The following SLK variants were observed in gnomAD, a reference collection of about 807,000 sequenced individuals.
SLK encodes the protein STE20 like kinase, also known as STE20-like serine/threonine-protein kinase.
SLK carries 67 observed loss-of-function variants against 147.7 expected under a neutral mutation model. The ratio of observed to expected loss-of-function variants is 0.45; its 90% CI spans 0.37 to 0.56. The LOEUF (loss-of-function observed/expected upper bound fraction) is 0.56, where lower values mean the gene tolerates loss of function less well. SLK is among the 20% of genes least tolerant of loss of function. The probability of loss-of-function intolerance (pLI) is 0.00; values close to 1 mark genes in which losing one functional copy is unlikely to be tolerated. For synonymous variants in SLK, 441 were observed against 475.0 expected (o/e 0.93, Z 0.93); for missense variants, 1,136 against 1,438.8 (o/e 0.79, Z 3.41).
At chr10:103,998,181 T>A (rs1467932177) in intron 4 of SLK, among the ~76,000 whole-genome samples, 1 of 152,204 alleles carries the variant, frequency 6.6e-6, no homozygotes. Flanking sequence ...AGCTACCATT[T>A]ATTGAGTGTA....
intron 8 of SLK, among the ~76,000 whole-genome samples, chr10:104,001,891 T>A (rs1844252922): frequency 6.6e-6 from 1 of 152,022 alleles, no homozygotes; most frequent in South Asian, 2.1e-4. Context: ...AATTTTTGTA[T>A]TTTTAGTAGA....
intron 4 of SLK, among the ~76,000 whole-genome samples, chr10:103,997,675 T>G (rs7076157): frequency 0.48 from 73,068 of 151,880 alleles, 18,962 homozygotes; most frequent in East Asian, 0.72. Flanking sequence ...CTTTCCCTAG[T>G]TTAGCCTTTG....
intron 13 of SLK, among the ~76,000 whole-genome samples, chr10:104,012,326 A>G (rs558683458): frequency 6.6e-6 from 1 of 152,364 alleles, no homozygotes; most frequent in African/African-American, 2.4e-5. Context: ...TAATCTTAGA[A>G]TTTAAAAATT....
intron 4 of SLK, among the ~76,000 whole-genome samples, chr10:103,994,129 T>A (rs1844135305): frequency 6.6e-6 from 1 of 152,142 alleles, no homozygotes; most frequent in African/African-American, 2.4e-5. Flanking sequence ...AATTCCTGGG[T>A]GCAAGTGATT....
In SLK at chr10:104,001,376, T is replaced by G; in HGVS notation, c.865-68T>G. 7.2e-6 allele frequency: 9 copies of G among 1,256,924 alleles called. No individual in the cohort carries two copies. The South Asian group carries it at 1.1e-4, about 16-fold the overall frequency. The allele number at this position is 1,256,924 out of a possible 1,614,324, so 77.9% of individuals were successfully genotyped here. On this transcript the variant is annotated intron_variant, in intron 7 of 18. Coordinates refer to ENST00000369755, the MANE Select transcript of SLK (RefSeq NM_014720.4). ...TTTTTTACCACATAAGAATGTGTGT[T>G]GTGTGTGTTTGAAACTTAGTTTAGT...
intron 13 of SLK, among the ~76,000 whole-genome samples, chr10:104,015,725 G>A (rs191163365): frequency 3.3e-3 from 498 of 152,280 alleles, no homozygotes; most frequent in Non-Finnish European, 5.3e-3. Flanking sequence ...ACAGTAATAT[G>A]AACAAAAATT....
chr10:104,005,853 C>A, intron 10 of SLK, 59 bp from the exon 11 acceptor site: 1 of 1,538,150 alleles, frequency 6.5e-7, no homozygotes, highest in Non-Finnish European at 8.8e-7. Context: ...TAAAAAAAAA[C>A]GTATTTCAGA....
At chr10:103,986,668 GTTTT>G (rs759976399) in intron 1 of SLK, among the ~76,000 whole-genome samples, 2 of 97,218 alleles carry the variant, frequency 2.1e-5, no homozygotes, top group African/African-American at 4.3e-5. Context: ...TATGTGAAGA[GTTTT>G]TTTTTTTTTT....
At chr10:104,025,244 G>T (rs1006197002) in intron 18 of SLK, among the ~76,000 whole-genome samples, 2 of 152,150 alleles carry the variant, frequency 1.3e-5, no homozygotes, top group Non-Finnish European at 2.9e-5. Context: ...ATATATTAGA[G>T]TGCATAGTAT....
intron 12 of SLK, among the ~76,000 whole-genome samples, chr10:104,009,240 G>T (rs1453388108): frequency 6.6e-6 from 1 of 152,058 alleles, no homozygotes; most frequent in African/African-American, 2.4e-5. Context: ...GACAATGATT[G>T]TGATCAATTT....
At chr10:103,978,751 T>C (rs1163209669) in intron 1 of SLK, among the ~76,000 whole-genome samples, 9 of 152,174 alleles carry the variant, frequency 5.9e-5, no homozygotes, top group African/African-American at 1.9e-4. Context: ...ATTTTATTGT[T>C]CTTTTAATTT....
In SLK at chr10:104,002,455, A is replaced by G; in HGVS notation, c.1277A>G (p.Lys426Arg). 2 of 1,614,032 alleles carry G rather than the reference A, an allele frequency of 1.2e-6. No homozygotes were observed. The highest frequency in any genetic ancestry group is 1.7e-6 in the Non-Finnish European group (2 of 1,180,014). The change falls in exon 9 of 19, where the codon AAG (lysine) becomes AGG (arginine). Residue 426 changes from lysine (K) to arginine (R), a missense_variant. Around this residue, in one of 6 missense-constraint regions of SLK, gnomAD observed 516 missense variants for 531.3 expected, o/e 0.97. Transcript: ENST00000369755. ...TAVIKENERE[K>R]RPKLENLPDT... is the part of the protein sequence containing the mutation. ...GTAATCAAGGAGAATGAAAGAGAGA[A>G]GAGGCCCAAGCTTGAAAATCTGCCT...
At chr10:104,024,786 G>A (rs935490924) in intron 18 of SLK, among the ~76,000 whole-genome samples, 10 of 152,060 alleles carry the variant, frequency 6.6e-5, no homozygotes, top group Non-Finnish European at 1.2e-4. Context: ...CTGAGACCAG[G>A]GTGCCAACAC....
chr10:103,994,367 T>C (rs764267261), intron 4 of SLK, among the ~76,000 whole-genome samples: 9 of 152,182 alleles, frequency 5.9e-5, no homozygotes, highest in Non-Finnish European at 1.3e-4. Flanking sequence ...ATCCTGACTT[T>C]TATATTATTT....
chr10:104,008,371 C>A lies in SLK; in HGVS notation c.2784+15C>A. ...GAAAGAAGGAGGTAAGTGTAAACTA[C>A]TGTTTTTAATTACTAAAGCTTTTTT... On this transcript the variant is annotated intron_variant, in intron 12 of 18. Transcript: ENST00000369755. 6.4e-7 allele frequency: 1 copy of A among 1,561,732 alleles called. No homozygotes were observed. The highest frequency in any genetic ancestry group is 1.2e-5 in the South Asian group (1 of 84,304).
chr10:103,982,960 C>T (rs1380062884), intron 1 of SLK, among the ~76,000 whole-genome samples: 1 of 152,212 alleles, frequency 6.6e-6, no homozygotes, highest in Non-Finnish European at 1.5e-5. Context: ...AACACTTATA[C>T]ACCTCATTTC....
chr10:103,974,546 C>A (rs1281712070), intron 1 of SLK: 1 of 95,780 alleles, frequency 1.0e-5, no homozygotes, highest in Non-Finnish European at 1.9e-5. Context: ...ACCCGGGAGG[C>A]GGAGCTTGCA....
Position 104,021,704 on chromosome 10 carries a change from T to C in SLK, c.3532T>C (p.Trp1178Arg). The C allele has an allele frequency of 2.5e-6, 4 of 1,603,898 alleles. No individual in the cohort carries two copies. The highest frequency in any genetic ancestry group is 3.4e-6 in the Non-Finnish European group (4 of 1,172,176). Residue 1178 changes from tryptophan (W) to arginine (R), a missense_variant, in exon 18 of 19, where the codon TGG becomes CGG. By Grantham distance (101) the Trp-to-Arg change is moderately radical. Around this residue, in one of 6 missense-constraint regions of SLK, gnomAD observed 327 missense variants for 457.5 expected, o/e 0.71. Coordinates refer to ENST00000369755, the MANE Select transcript of SLK (RefSeq NM_014720.4). ...DEEHSQELKE[W>R]REKLRPRKKT... ...GGAACATAGCCAAGAATTAAAGGAG[T>C]GGAGAGAGAAATTGAGACCTAGGAA... is the stretch of plus-strand genomic sequence containing the variant.
At position 104,028,127 on chromosome 10, in the gene SLK, A is replaced by C. The variant is rs1844622099; in HGVS notation, c.*2407A>C. On this transcript the variant is annotated 3_prime_UTR_variant, in exon 19 of 19. Coordinates refer to ENST00000369755, the MANE Select transcript of SLK (RefSeq NM_014720.4). ...GATGATAGTGATCTATCTTTCCTGCATGAAGTGTAGGTGGCGAGTGGGCGA... is the reference window on the plus strand; with the variant it reads ...GATGATAGTGATCTATCTTTCCTGCCTGAAGTGTAGGTGGCGAGTGGGCGA... The C allele has an allele frequency of 6.6e-6, 1 of 152,210 alleles. No homozygotes were observed. The allele number at this position is 152,210 out of a possible 1,614,324, so 9.4% of individuals were successfully genotyped here.
Sources: allele counts gnomAD v4.1 joint callset (sites outside exome capture counted in the v4.1 genomes callset), GRCh38; gene constraint gnomAD v4.1.1; regional missense constraint gnomAD v4.1.1; transcripts MANE v1.5; gene names NCBI Gene and HGNC (gene_info 2026-07-23, HGNC 2026-07-21).